TRAPPC9: variants seen among roughly 807,000 people sequenced by gnomAD.
TRAPPC9 encodes trafficking protein particle complex subunit 9.
TRAPPC9 carries 83 observed loss-of-function variants against 124.0 expected under a neutral mutation model. The observed-to-expected ratio is 0.67, with a 90% CI of 0.56 to 0.80. The LOEUF is 0.80. Ranked by LOEUF, TRAPPC9 falls within the 30% of genes least tolerant of loss-of-function variation. The pLI is 0.00. For missense variants in TRAPPC9, 1,302 were observed against 1,508.3 expected, an observed-to-expected ratio of 0.86 and a Z score of 2.27; for synonymous variants, 638 against 617.5, an observed-to-expected ratio of 1.03 and a Z score of -0.49.
chr8:140,328,799 T>G (rs979314246), intron 9 of TRAPPC9, among the ~76,000 whole-genome samples: 4 of 152,164 alleles, frequency 2.6e-5, no homozygotes, highest in African/African-American at 9.7e-5. Flanking sequence ...ACAGTCTAAT[T>G]AGCATAGTTA....
chr8:140,312,755 CT>C (rs1563937285), intron 9 of TRAPPC9, among the ~76,000 whole-genome samples: 1 of 143,704 alleles, frequency 7.0e-6, no homozygotes, highest in East Asian at 2.0e-4. Context: ...TCTTCTTCTT[CT>C]TCTTTTTTTT....
chr8:140,384,006 A>G lies in TRAPPC9; in HGVS notation c.1135-12826T>C, dbSNP rs187076535. Among the ~76,000 whole-genome samples, 9 of 152,358 alleles carry G rather than the reference A, an allele frequency of 5.9e-5. No homozygotes were observed. In the East Asian group the frequency reaches 1.3e-3, roughly 23 times the overall value. On this transcript the variant is annotated intron_variant, in intron 7 of 22. Transcript: ENST00000438773. Reference sequence around the variant, plus strand: ...AAGCCAGAAGAGAGTAGGGGCCAATATTCAACATGCTTAAAGAAAAGAAGT... The same window carrying G: ...AAGCCAGAAGAGAGTAGGGGCCAATGTTCAACATGCTTAAAGAAAAGAAGT...
intron 21 of TRAPPC9, among the ~76,000 whole-genome samples, chr8:139,828,861 C>A (rs1825799148): frequency 6.6e-6 from 1 of 152,174 alleles, no homozygotes; most frequent in Non-Finnish European, 1.5e-5. Context: ...AATATTTATA[C>A]AAATACATGC....
intron 13 of TRAPPC9, among the ~76,000 whole-genome samples, chr8:140,286,191 C>T (rs1214602108): frequency 6.6e-6 from 1 of 152,160 alleles, no homozygotes; most frequent in Non-Finnish European, 1.5e-5. Context: ...GGCAAAGCCT[C>T]GGAAAGCCTG....
intron 21 of TRAPPC9, among the ~76,000 whole-genome samples, chr8:139,836,779 T>C (rs894226833): frequency 3.3e-5 from 5 of 152,194 alleles, no homozygotes; most frequent in Non-Finnish European, 7.3e-5. Context: ...ATGCTTCTAA[T>C]TGGAGATACT....
chr8:140,439,419 G>A (rs185281232), intron 2 of TRAPPC9, among the ~76,000 whole-genome samples: 111 of 152,320 alleles, frequency 7.3e-4, no homozygotes, highest in African/African-American at 2.5e-3. Flanking sequence ...TGATCGGTAC[G>A]TAAGGACTTC....
intron 19 of TRAPPC9, among the ~76,000 whole-genome samples, chr8:139,964,038 C>T (rs1040382338): frequency 6.6e-6 from 1 of 151,990 alleles, no homozygotes; most frequent in South Asian, 2.1e-4. Context: ...GCCTGGCTAA[C>T]ATGGTGAAAC....
chr8:139,934,459 C>T (rs1269020262), intron 19 of TRAPPC9, among the ~76,000 whole-genome samples: 1 of 152,222 alleles, frequency 6.6e-6, no homozygotes, highest in Non-Finnish European at 1.5e-5. Flanking sequence ...GCTCTTGAAA[C>T]TTCATTCTTC....
intron 17 of TRAPPC9, among the ~76,000 whole-genome samples, chr8:140,113,461 A>G (rs1010614877): frequency 6.6e-6 from 1 of 152,220 alleles, no homozygotes; most frequent in African/African-American, 2.4e-5. Context: ...TAAAACAGCA[A>G]AAATGTCGGG....
At chr8:140,323,978 T>C (rs534566495) in intron 9 of TRAPPC9, among the ~76,000 whole-genome samples, 66 of 152,288 alleles carry the variant, frequency 4.3e-4, no homozygotes, top group African/African-American at 1.6e-3. Flanking sequence ...ATTTCTGAGA[T>C]GTTGGTGCAC....
chr8:140,023,532 A>G (rs1472036207), intron 18 of TRAPPC9, among the ~76,000 whole-genome samples: 3 of 152,218 alleles, frequency 2.0e-5, no homozygotes, highest in Non-Finnish European at 4.4e-5. Flanking sequence ...GATGCCAGGA[A>G]TGATGCAGAA....
chr8:140,010,112 TG>T (rs775738754), intron 18 of TRAPPC9, among the ~76,000 whole-genome samples: 20 of 152,250 alleles, frequency 1.3e-4, no homozygotes, highest in Non-Finnish European at 2.6e-4. Flanking sequence ...ATTTATACCA[TG>T]AATAACAAAT....
At chr8:139,933,322 T>C (rs189460517) in intron 19 of TRAPPC9, 1 of 152,398 alleles carries the variant, frequency 6.6e-6, no homozygotes, top group East Asian at 1.9e-4. Flanking sequence ...TCAATGAGTA[T>C]GGAAACTACA....
chr8:139,777,252 G>T (rs1190406385), intron 21 of TRAPPC9, among the ~76,000 whole-genome samples: 1 of 152,248 alleles, frequency 6.6e-6, no homozygotes, highest in African/African-American at 2.4e-5. Flanking sequence ...CTTAGGGACA[G>T]GGCTGAGCAG....
intron 6 of TRAPPC9, among the ~76,000 whole-genome samples, chr8:140,400,023 G>T (rs1001655827): frequency 6.6e-6 from 1 of 152,200 alleles, no homozygotes; most frequent in Admixed American, 6.5e-5. Context: ...CCGCTTTGGA[G>T]TCCTCTCCTC....
intron 17 of TRAPPC9, among the ~76,000 whole-genome samples, chr8:140,196,100 CCA>C (rs56607316): frequency 7.0e-6 from 1 of 143,272 alleles, no homozygotes; most frequent in African/African-American, 2.7e-5. Context: ...ACTCAATGAT[CCA>C]CACCATACAG....
At chr8:139,866,584 A>T (rs1262287798) in intron 21 of TRAPPC9, among the ~76,000 whole-genome samples, 2 of 152,088 alleles carry the variant, frequency 1.3e-5, no homozygotes. Flanking sequence ...ATACAGGAAG[A>T]CCGATAAGTT....
chr8:139,746,132 C>T (rs532083757), intron 21 of TRAPPC9, among the ~76,000 whole-genome samples: 27 of 152,332 alleles, frequency 1.8e-4, no homozygotes, highest in Non-Finnish European at 3.4e-4. Context: ...CTGCAATCGC[C>T]GCCGGTGGCA....
intron 7 of TRAPPC9, among the ~76,000 whole-genome samples, chr8:140,393,175 G>A (rs1158768587): frequency 2.0e-5 from 3 of 151,938 alleles, no homozygotes; most frequent in African/African-American, 4.8e-5. Context: ...GGGTTCAAGC[G>A]ATTCTCCTCC....
Sources: gnomAD v4.1 joint callset for allele counts (sites outside exome capture counted in the v4.1 genomes callset) on GRCh38, gnomAD v4.1.1 for gene constraint, MANE v1.5 for transcripts, NCBI Gene and HGNC (gene_info 2026-07-23, HGNC 2026-07-21) for gene names.